The following LRBA variants were observed in gnomAD, a reference collection of about 807,000 sequenced individuals.
The protein encoded by LRBA is LPS responsive beige-like anchor protein.
In LRBA, 176 loss-of-function variants were observed where a neutral mutation model predicts 330.0. The observed-to-expected ratio is 0.53, with a 90% confidence interval of 0.47 to 0.60. The LOEUF (loss-of-function observed/expected upper bound fraction) is 0.60, where lower values mean the gene tolerates loss of function less well. Ranked by LOEUF, LRBA falls within the 20% of genes least tolerant of loss-of-function variation. The pLI, the probability that LRBA is intolerant of heterozygous loss-of-function variation, is 0.00. For synonymous variants in LRBA, 1,230 were observed against 1,193.0 expected, an observed-to-expected ratio of 1.03 and a Z score of -0.64; for missense variants, 3,259 against 3,444.8, an observed-to-expected ratio of 0.95 and a Z score of 1.35.
intron 2 of LRBA, among the ~76,000 whole-genome samples, chr4:150,935,350 C>T (rs998979948): frequency 6.6e-6 from 1 of 151,878 alleles, no homozygotes; most frequent in South Asian, 2.1e-4. Context: ...TCCTAAATAC[C>T]TATAATATCT....
intron 37 of LRBA, among the ~76,000 whole-genome samples, chr4:150,658,133 G>A (rs1054583392): frequency 2.0e-5 from 3 of 151,908 alleles, no homozygotes; most frequent in Admixed American, 6.6e-5. Flanking sequence ...CCTGACGATC[G>A]ATACTCCACA....
intron 47 of LRBA, among the ~76,000 whole-genome samples, chr4:150,390,486 T>A (rs923308264): frequency 6.6e-6 from 1 of 152,188 alleles, no homozygotes; most frequent in African/African-American, 2.4e-5. Context: ...TACCACTAAC[T>A]GTGAATAAAG....
intron 40 of LRBA, among the ~76,000 whole-genome samples, chr4:150,527,096 A>G (rs1446891217): frequency 2.6e-5 from 4 of 151,412 alleles, no homozygotes; most frequent in Admixed American, 2.0e-4. Context: ...TCTTCATGGT[A>G]TCATTTAATT....
rs369210689 is a variant in LRBA, at chr4:150,303,024, A to G, written c.7850-232T>C. Among the ~76,000 whole-genome samples the G allele has an allele frequency of 2.6e-4, 40 of 152,332 alleles. No individual in the cohort carries two copies. In the East Asian group the frequency reaches 5.6e-3, roughly 21 times the overall value. ...AAAGGCATGTGTTAAAACTATTTCA[A>G]CAAATAATACTTGAGGACCATGGCA... On this transcript the variant is annotated intron_variant, in intron 52 of 56. Transcript: ENST00000651943.
At chr4:150,858,513 C>T (rs1279206450) in intron 22 of LRBA, among the ~76,000 whole-genome samples, 6 of 151,914 alleles carry the variant, frequency 3.9e-5, no homozygotes, top group Non-Finnish European at 5.9e-5. Flanking sequence ...CCATGAAATG[C>T]GGACATTTTG....
chr4:150,514,744 T>C (rs1195239725), intron 40 of LRBA, among the ~76,000 whole-genome samples: 2 of 152,218 alleles, frequency 1.3e-5, no homozygotes, highest in Non-Finnish European at 2.9e-5. Context: ...CTGATCTTTC[T>C]ACCTGCTTGC....
At chr4:150,685,912 C>G (rs1180184238) in intron 36 of LRBA, among the ~76,000 whole-genome samples, 1 of 151,780 alleles carries the variant, frequency 6.6e-6, no homozygotes, top group Non-Finnish European at 1.5e-5. Flanking sequence ...AGAGTTTGAC[C>G]CAAGTACAAA....
Position 150,584,223 on chromosome 4 carries a change from T to C in LRBA, c.6330+3825A>G, listed in dbSNP as rs115384050. 4.0e-3 allele frequency: 4,909 copies of C among 1,236,902 alleles called. 136 individuals are homozygous for C. The African/African-American group carries it at 0.059, about 15-fold the overall frequency. 76.6% of individuals were successfully genotyped at this position (1,236,902 alleles called of 1,614,324 possible). On this transcript the variant is annotated intron_variant, in intron 40 of 56. Transcript: ENST00000651943. ...AAACTTTTATGTAAGTCACCTGAAA[T>C]AGGAATCCGGCAGAAGACCTTCATT...
chr4:150,937,085 G>T (rs1321426104), intron 2 of LRBA, among the ~76,000 whole-genome samples: 1 of 151,954 alleles, frequency 6.6e-6, no homozygotes, highest in East Asian at 1.9e-4. Flanking sequence ...AGATTATAAT[G>T]GTGAGAGCAA....
intron 46 of LRBA, among the ~76,000 whole-genome samples, chr4:150,428,780 G>A (rs933894989): frequency 4.6e-5 from 7 of 151,978 alleles, no homozygotes; most frequent in South Asian, 2.1e-4. Flanking sequence ...TGTTACCAAA[G>A]GCCTTCATAT....
intron 37 of LRBA, among the ~76,000 whole-genome samples, chr4:150,644,291 G>A (rs980876858): frequency 6.6e-6 from 1 of 151,798 alleles, no homozygotes; most frequent in Non-Finnish European, 1.5e-5. Context: ...ATGCAGCAGT[G>A]AAAAACTTAG....
At chr4:150,448,976 G>C (rs1753012376) in intron 44 of LRBA, among the ~76,000 whole-genome samples, 1 of 152,070 alleles carries the variant, frequency 6.6e-6, no homozygotes, top group Admixed American at 6.6e-5. Context: ...GCTCATGAGA[G>C]AGAATACGAC....
chr4:150,608,923 ACAT>A (rs1334308512), intron 37 of LRBA, among the ~76,000 whole-genome samples: 2 of 152,208 alleles, frequency 1.3e-5, no homozygotes, highest in Non-Finnish European at 2.9e-5. Context: ...ATGTTGTAGC[ACAT>A]ATTGGTAGCT....
intron 17 of LRBA, among the ~76,000 whole-genome samples, chr4:150,887,645 T>G (rs914717472): frequency 6.6e-6 from 1 of 151,544 alleles, no homozygotes; most frequent in Non-Finnish European, 1.5e-5. Flanking sequence ...GGCGGGCGCC[T>G]GTAGTCACAG....
At chr4:150,689,993 T>C (rs1489180289) in intron 36 of LRBA, among the ~76,000 whole-genome samples, 1 of 152,046 alleles carries the variant, frequency 6.6e-6, no homozygotes, top group Non-Finnish European at 1.5e-5. Context: ...TTTTAAAATT[T>C]ATACAGATCT....
Position 150,277,725 on chromosome 4 carries a change from C to A in LRBA, c.8468+128G>T. On this transcript the variant is annotated intron_variant, in intron 56 of 56. Coordinates refer to ENST00000651943, the MANE Select transcript of LRBA (RefSeq NM_001364905.1). Reference sequence around the variant, plus strand: ...CAATGTTGCCCAGGCTGGCTTCGAACTCCTGGGCTCAAGTGATTCTCCTGC... The same window carrying A: ...CAATGTTGCCCAGGCTGGCTTCGAAATCCTGGGCTCAAGTGATTCTCCTGC... The A allele has an allele frequency of 8.0e-6, 8 of 1,000,982 alleles. No individual in the cohort carries two copies. The South Asian group carries it at 1.3e-4, about 16-fold the overall frequency. The allele number at this position is 1,000,982 out of a possible 1,614,324, so 62.0% of individuals were successfully genotyped here. A position where few individuals can be genotyped will look rare whatever the true frequency, so the allele number is the denominator to read the frequency against.
intron 17 of LRBA, among the ~76,000 whole-genome samples, chr4:150,885,248 G>A (rs1148649): frequency 0.99 from 149,174 of 150,136 alleles, 74,116 homozygotes; most frequent in Middle Eastern, 1. Context: ...AAGAAATAGG[G>A]ATAAAATCTT....
At chr4:150,373,877 C>T (rs1230618682) in intron 47 of LRBA, among the ~76,000 whole-genome samples, 1 of 152,140 alleles carries the variant, frequency 6.6e-6, no homozygotes, top group East Asian at 1.9e-4. Context: ...ATTCAGTGCC[C>T]TCATACCATC....
intron 35 of LRBA, among the ~76,000 whole-genome samples, 174 bp from the exon 36 acceptor site, chr4:150,735,540 T>G (rs564883496): frequency 5.9e-5 from 9 of 152,276 alleles, no homozygotes; most frequent in African/African-American, 2.2e-4. Flanking sequence ...CAGCAAAAGG[T>G]TACCCTTCTG....
Sources: gnomAD v4.1 joint callset for allele counts (sites outside exome capture counted in the v4.1 genomes callset) on GRCh38, gnomAD v4.1.1 for gene constraint, MANE v1.5 for transcripts, NCBI Gene and HGNC (gene_info 2026-07-23, HGNC 2026-07-21) for gene names.